The following AGMO variants were observed in gnomAD, a reference collection of about 807,000 sequenced individuals.
AGMO encodes glyceryl-ether monooxygenase.
A neutral mutation model predicts 60.2 loss-of-function variants in AGMO; 75 were observed. That is an observed-to-expected ratio of 1.25 (90% confidence interval 1.03 to 1.51). The LOEUF (loss-of-function observed/expected upper bound fraction) is 1.51, where lower values mean the gene tolerates loss of function less well. Among genes scored for constraint, AGMO ranks in the 40% most tolerant of loss-of-function variants. AGMO has a pLI of 0.00. For missense variants in AGMO, 763 were observed against 525.5 expected (o/e 1.45, Z -4.42); for synonymous variants, 261 against 177.1 (o/e 1.47, Z -3.76).
chr7:15,531,007 C>A (rs1410161351), intron 3 of AGMO, among the ~76,000 whole-genome samples: 2 of 25,390 alleles, frequency 7.9e-5, no homozygotes, highest in African/African-American at 1.5e-4. Flanking sequence ...TCTATATATT[C>A]TATATATATT....
At chr7:15,420,756 A>G (rs1780900982) in intron 4 of AGMO, among the ~76,000 whole-genome samples, 1 of 152,008 alleles carries the variant, frequency 6.6e-6, no homozygotes, top group Non-Finnish European at 1.5e-5. Flanking sequence ...TCCATCCTCA[A>G]ACTCAGAGTA....
chr7:15,332,889 A>C (rs957229625), intron 12 of AGMO, among the ~76,000 whole-genome samples: 1 of 152,180 alleles, frequency 6.6e-6, no homozygotes, highest in Non-Finnish European at 1.5e-5. Flanking sequence ...AAATAATATC[A>C]GTATATTGCA....
chr7:15,296,880 G>GTGGTTCTT (rs1563074411), intron 12 of AGMO, among the ~76,000 whole-genome samples: 1 of 152,116 alleles, frequency 6.6e-6, no homozygotes, highest in Non-Finnish European at 1.5e-5. Flanking sequence ...CTAGTGTTTT[G>GTGGTTCTT]TGGTTCTTTC....
At chr7:15,493,398 G>T in intron 3 of AGMO, among the ~76,000 whole-genome samples, 1 of 116,674 alleles carries the variant, frequency 8.6e-6, no homozygotes, top group African/African-American at 3.5e-5. Context: ...TTTTGAGACG[G>T]AGTCTCGCTC....
chr7:15,366,203 A>C lies in AGMO; in HGVS notation c.1094T>G (p.Leu365Arg), dbSNP rs752115709. Residue 365 changes from leucine to arginine, a missense_variant, in exon 11 of 13, where the codon CTC (leucine) becomes CGC (arginine). Transcript: ENST00000342526. Reference protein sequence around the residue: ...ADTAALSQVTLLLRVCFIILT... With the variant: ...ADTAALSQVTRLLRVCFIILT... Reference sequence around the variant, plus strand: ...GATAATGAAGCAAACCCTCAGAAGGAGAGTAACTTGCGACAGTGCCTGTCA... The same window carrying C: ...GATAATGAAGCAAACCCTCAGAAGGCGAGTAACTTGCGACAGTGCCTGTCA... 1 of 1,607,154 alleles carries C rather than the reference A, an allele frequency of 6.2e-7. No homozygotes were observed. Among genetic ancestry groups the C allele is most frequent in the South Asian group, 1.1e-5 (1 of 89,962 alleles).
chr7:15,235,477 G>A (rs1204368858), intron 12 of AGMO, among the ~76,000 whole-genome samples: 1 of 152,110 alleles, frequency 6.6e-6, no homozygotes, highest in Non-Finnish European at 1.5e-5. Context: ...GAGTAAGTTT[G>A]ATTCAGAGTA....
At chr7:15,208,754 A>G (rs1011787274) in intron 12 of AGMO, among the ~76,000 whole-genome samples, 1 of 152,178 alleles carries the variant, frequency 6.6e-6, no homozygotes, top group African/African-American at 2.4e-5. Context: ...TTCTAGCTAC[A>G]AGTAGAAACA....
the AGMO span, among the ~76,000 whole-genome samples, chr7:15,179,682 T>C: frequency 6.6e-6 from 1 of 152,144 alleles, no homozygotes; most frequent in African/African-American, 2.4e-5. Context: ...ATGACTCCTC[T>C]AGGCACTGCC....
intron 12 of AGMO, among the ~76,000 whole-genome samples, chr7:15,306,952 T>C (rs1780632889): frequency 1.3e-5 from 2 of 151,950 alleles, no homozygotes; most frequent in African/African-American, 4.8e-5. Flanking sequence ...GAAATAATCA[T>C]TAAAGCATAC....
intron 3 of AGMO, among the ~76,000 whole-genome samples, chr7:15,467,594 G>A (rs1782328563): frequency 6.6e-6 from 1 of 152,100 alleles, no homozygotes; most frequent in Admixed American, 6.6e-5. Context: ...CAGGATTCCT[G>A]AAAATATTTA....
chr7:15,217,400 GAA>G (rs572111673), intron 12 of AGMO, among the ~76,000 whole-genome samples: 149 of 150,482 alleles, frequency 9.9e-4, no homozygotes, highest in African/African-American at 3.4e-3. Context: ...ACACACACAA[GAA>G]AAACAAAGAC....
At chr7:15,270,420 T>A (rs1204390540) in intron 12 of AGMO, among the ~76,000 whole-genome samples, 1 of 151,992 alleles carries the variant, frequency 6.6e-6, no homozygotes, top group Admixed American at 6.6e-5. Flanking sequence ...TTGTATGTCT[T>A]CCTTTGAGAA....
chr7:15,496,008 C>T (rs1783221228), intron 3 of AGMO, among the ~76,000 whole-genome samples: 1 of 152,164 alleles, frequency 6.6e-6, no homozygotes, highest in Non-Finnish European at 1.5e-5. Flanking sequence ...GAGATTACAG[C>T]TTCCACACGT....
rs1780842108 is a variant in AGMO at position 15,418,571 on chromosome 7, C to G, written c.596G>C (p.Trp199Ser). The change falls in exon 5 of 13, where the codon TGG becomes TCG. Residue 199 changes from tryptophan to serine, a missense_variant. Coordinates refer to ENST00000342526, the MANE Select transcript of AGMO (RefSeq NM_001004320.2). Reference protein sequence around the residue: ...HLQFNLLYQFWIHTEVINNLG... With the variant: ...HLQFNLLYQFSIHTEVINNLG... ...AAAAAGTTTTACCTCTGTATGGATC[C>G]AAAATTGGTAAAGAAGATTGAATTG... The G allele has an allele frequency of 6.3e-7, 1 of 1,586,972 alleles. No homozygotes were observed. Among genetic ancestry groups the G allele is most frequent in the Admixed American group, 1.8e-5 (1 of 55,552 alleles).
chr7:15,495,985 A>T (rs1257452037), intron 3 of AGMO, among the ~76,000 whole-genome samples: 1 of 152,152 alleles, frequency 6.6e-6, no homozygotes, highest in Non-Finnish European at 1.5e-5. Flanking sequence ...TCACACTCCA[A>T]GTACCATTAC....
chr7:15,490,256 T>C (rs1264237173), intron 3 of AGMO, among the ~76,000 whole-genome samples: 1 of 152,230 alleles, frequency 6.6e-6, no homozygotes, highest in Non-Finnish European at 1.5e-5. Context: ...GAAATTTTGA[T>C]AATTTGTTTA....
chr7:15,558,371 G>A (rs17168827), intron 2 of AGMO, among the ~76,000 whole-genome samples: 9 of 151,912 alleles, frequency 5.9e-5, no homozygotes, highest in Admixed American at 3.3e-4. Flanking sequence ...ATTGGGTGAC[G>A]TTTATAGTTT....
chr7:15,318,077 C>G (rs1583400889), intron 12 of AGMO, among the ~76,000 whole-genome samples: 1 of 150,706 alleles, frequency 6.6e-6, no homozygotes, highest in Non-Finnish European at 1.5e-5. Flanking sequence ...GCAATCTTGG[C>G]TCACTGCAAT....
At chr7:15,514,911 T>C (rs1019986348) in intron 3 of AGMO, among the ~76,000 whole-genome samples, 8 of 152,198 alleles carry the variant, frequency 5.3e-5, no homozygotes, top group African/African-American at 1.7e-4. Context: ...GGAGAGAAGC[T>C]ACATCATCTA....
Sources: gnomAD v4.1 joint callset for allele counts (sites outside exome capture counted in the v4.1 genomes callset) on GRCh38, gnomAD v4.1.1 for gene constraint, MANE v1.5 for transcripts, NCBI Gene and HGNC (gene_info 2026-07-23, HGNC 2026-07-21) for gene names.